Variants in CRHR2 observed in about 807,000 individuals in gnomAD.
The protein encoded by CRHR2 is corticotropin releasing hormone receptor 2.
In CRHR2, 53 loss-of-function variants were observed where a neutral mutation model predicts 57.9. The observed-to-expected ratio is 0.92, with a 90% confidence interval of 0.73 to 1.15. The LOEUF (loss-of-function observed/expected upper bound fraction) is 1.15. CRHR2 is among the 50% of genes most tolerant of loss of function. The pLI, the probability that CRHR2 is intolerant of heterozygous loss-of-function variation, is 0.00. For missense variants in CRHR2, 532 were observed against 542.6 expected (o/e 0.98, Z 0.19); for synonymous variants, 213 against 220.9 (o/e 0.96, Z 0.32).
Position 30,655,497 on chromosome 7 carries a change from G to A in CRHR2, c.1053+83C>T. 8.7e-6 allele frequency: 13 copies of A among 1,501,454 alleles called. No homozygotes were observed. The South Asian group carries it at 9.0e-5, about 10-fold the overall frequency. The allele number at this position is 1,501,454 out of a possible 1,614,324, so 93.0% of individuals were successfully genotyped here. On this transcript the variant is annotated intron_variant, in intron 10 of 11. Coordinates refer to ENST00000471646, the MANE Select transcript of CRHR2 (RefSeq NM_001883.5). Reference sequence around the variant, plus strand: ...TGAGCCATGGGTGTGCCAGTCCCACGGGACCCCCTTAGTGAGGGCATGGCT... The same window carrying A: ...TGAGCCATGGGTGTGCCAGTCCCACAGGACCCCCTTAGTGAGGGCATGGCT...
chr7:30,676,348 G>A (rs547875476), intron 2 of CRHR2, among the ~76,000 whole-genome samples: 59 of 152,154 alleles, frequency 3.9e-4, no homozygotes, highest in Non-Finnish European at 7.1e-4. Flanking sequence ...GGAGTAACTT[G>A]TGGCCCTTGG....
chr7:30,685,490 CG>C (rs1171081154), upstream of CRHR2, among the ~76,000 whole-genome samples: 1 of 152,154 alleles, frequency 6.6e-6, no homozygotes, highest in African/African-American at 2.4e-5. Flanking sequence ...GGAATTACGA[CG>C]GGGTTGCTGA....
At chr7:30,659,115 GTAGA>G (rs1339322591) in intron 8 of CRHR2, among the ~76,000 whole-genome samples, 2 of 152,230 alleles carry the variant, frequency 1.3e-5, no homozygotes, top group Non-Finnish European at 2.9e-5. Context: ...TGGAAATAAT[GTAGA>G]TAGAGCTTCT....
chr7:30,699,428 G>A (rs1785123151), intron 1 of CRHR2, among the ~76,000 whole-genome samples: 1 of 152,032 alleles, frequency 6.6e-6, no homozygotes, highest in South Asian at 2.1e-4. Flanking sequence ...GAAGGATGGA[G>A]ACAAGGCAGC....
At chr7:30,679,060 C>T (rs535253747) in intron 2 of CRHR2, among the ~76,000 whole-genome samples, 5 of 152,178 alleles carry the variant, frequency 3.3e-5, no homozygotes, top group Admixed American at 3.3e-4. Context: ...GTTCTCCATA[C>T]AACACACTCC....
Position 30,656,090 on chromosome 7 carries a change from C to G in CRHR2, c.832-78G>C, listed in dbSNP as rs1346811985. On this transcript the variant is annotated intron_variant, in intron 8 of 11. Transcript: ENST00000471646. This position sits in a 1 kb window ranked among gnomAD's most constrained non-coding sequence, Gnocchi z 4.4. Reference sequence around the variant, plus strand: ...AGATGAGCCGAGAGGCAGCCCCCTTCCCCGCAGACCCCTGGAAACCGATGT... The same window carrying G: ...AGATGAGCCGAGAGGCAGCCCCCTTGCCCGCAGACCCCTGGAAACCGATGT... The G allele has an allele frequency of 7.4e-7, 1 of 1,345,720 alleles. No homozygotes were observed. Among genetic ancestry groups the G allele is most frequent in the African/African-American group, 1.4e-5 (1 of 69,734 alleles). 83.4% of individuals were successfully genotyped at this position (1,345,720 alleles called of 1,614,324 possible). A position where few individuals can be genotyped will look rare whatever the true frequency, so the allele number is the denominator to read the frequency against.
chr7:30,689,361 T>G (rs1784915904), intron 1 of CRHR2: 1 of 1,177,240 alleles, frequency 8.5e-7, no homozygotes, highest in East Asian at 2.6e-5. Context: ...CCCCATCCTA[T>G]CCTATCACTC....
At chr7:30,686,691 G>A (rs1291877212), upstream of CRHR2, 1 of 544,706 alleles carries the variant, frequency 1.8e-6, no homozygotes, top group Non-Finnish European at 3.3e-6. Flanking sequence ...TAAATAATAT[G>A]CCTCATAATA....
chr7:30,655,722 G>T lies in CRHR2; in HGVS notation c.918-7C>A, dbSNP rs948937833. On this transcript the variant is annotated splice_polypyrimidine_tract_variant and splice_region_variant and intron_variant, in intron 9 of 11. Coordinates refer to ENST00000471646, the MANE Select transcript of CRHR2 (RefSeq NM_001883.5). The stretch of plus-strand genomic sequence containing the variant: ...GGTGGCCTTCACTGCCTTCCTGGGG[G>T]CGAGAGGTGGACACAGGTCTGAGCC... 1.8e-5 allele frequency: 29 copies of T among 1,612,310 alleles called. No homozygotes were observed. Among genetic ancestry groups the T allele is most frequent in the African/African-American group, 2.7e-5 (2 of 74,946 alleles).
chr7:30,688,823 A>G (rs1169352141), intron 2 of CRHR2: 1 of 462,948 alleles, frequency 2.2e-6, no homozygotes, highest in Non-Finnish European at 4.3e-6. Context: ...CCAGGAAGTC[A>G]CACCTGTAGC....
chr7:30,696,491 G>T (rs1354704096), intron 1 of CRHR2, among the ~76,000 whole-genome samples: 1 of 152,202 alleles, frequency 6.6e-6, no homozygotes, highest in Non-Finnish European at 1.5e-5. Flanking sequence ...GGAGGCCGAG[G>T]TGGGTGGATC....
intron 2 of CRHR2, among the ~76,000 whole-genome samples, chr7:30,678,862 C>T (rs1784605902): frequency 6.6e-6 from 1 of 152,218 alleles, no homozygotes; most frequent in Admixed American, 6.5e-5. Flanking sequence ...TGCGGTCTAC[C>T]TGGGTCTGTG....
chr7:30,671,513 G>A (rs1784351456), intron 2 of CRHR2, among the ~76,000 whole-genome samples: 1 of 151,844 alleles, frequency 6.6e-6, no homozygotes, highest in South Asian at 2.1e-4. Context: ...AGGAAGTGAG[G>A]GAGAGGCTGG....
exon 1 of CRHR2, chr7:30,700,031 C>T (rs1442813712): frequency 7.1e-7 from 1 of 1,412,452 alleles, no homozygotes; most frequent in Non-Finnish European, 9.2e-7. Context: ...AGGGACCCCT[C>T]ATGCCAGTAG....
intron 5 of CRHR2, among the ~76,000 whole-genome samples, chr7:30,664,764 T>G (rs1342401850): frequency 6.6e-6 from 1 of 152,012 alleles, no homozygotes; most frequent in Non-Finnish European, 1.5e-5. Context: ...TGTCACCAGC[T>G]GAGAGTAGCA....
Position 30,653,156 on chromosome 7 carries a change from C to T in CRHR2, c.*304G>A. Reference sequence around the variant, plus strand: ...TGTGTTGGACAGGTCCTTCTCTGCTCTGGGCCCAGTAAGGCCCTGGCCAGA... The same window carrying T: ...TGTGTTGGACAGGTCCTTCTCTGCTTTGGGCCCAGTAAGGCCCTGGCCAGA... On this transcript the variant is annotated 3_prime_UTR_variant, in exon 12 of 12. Coordinates refer to ENST00000471646, the MANE Select transcript of CRHR2 (RefSeq NM_001883.5). This position sits in a 1 kb window ranked among gnomAD's most constrained non-coding sequence, Gnocchi z 5.0. The T allele has an allele frequency of 2.8e-6, 1 of 356,934 alleles. No individual in the cohort carries two copies. The highest frequency in any genetic ancestry group is 4.4e-5 in the Admixed American group (1 of 22,840). The allele number at this position is 356,934 out of a possible 1,614,324, so 22.1% of individuals were successfully genotyped here. A position where few individuals can be genotyped will look rare whatever the true frequency, so the allele number is the denominator to read the frequency against.
intron 1 of CRHR2, among the ~76,000 whole-genome samples, chr7:30,691,711 A>G (rs974848281): frequency 2.6e-5 from 4 of 152,180 alleles, no homozygotes; most frequent in Non-Finnish European, 5.9e-5. Context: ...CATCTCCTAT[A>G]ACTTCTCTGC....
chr7:30,682,243 T>G lies in CRHR2; in HGVS notation c.38A>C (p.Asn13Thr). ...AALLHSLLEA[N>T]CSLALAEELL... is the part of the protein sequence containing the mutation. ...CTCTTCAGCCAGCGCCAGGCTGCAGTTGGCCTCCAGCAGGCTGTGGAGCAG... is the reference window on the plus strand; with the variant it reads ...CTCTTCAGCCAGCGCCAGGCTGCAGGTGGCCTCCAGCAGGCTGTGGAGCAG... Residue 13 changes from asparagine to threonine, a missense_variant, in exon 1 of 12, where the codon AAC becomes ACC. Physicochemically the swap from Asn to Thr is moderately conservative, Grantham distance 65. Transcript: ENST00000471646. 6.3e-7 allele frequency: 1 copy of G among 1,589,386 alleles called. No homozygotes were observed. The highest frequency in any genetic ancestry group is 8.5e-7 in the Non-Finnish European group (1 of 1,175,022).
chr7:30,668,267 C>T (rs1784247763), intron 2 of CRHR2, among the ~76,000 whole-genome samples: 1 of 152,154 alleles, frequency 6.6e-6, no homozygotes, highest in Non-Finnish European at 1.5e-5. Context: ...GCCACCCCCT[C>T]CATACACCAG....
Sources: allele counts gnomAD v4.1 joint callset (sites outside exome capture counted in the v4.1 genomes callset), GRCh38; gene constraint gnomAD v4.1.1; non-coding constraint Gnocchi (gnomAD v3.1); transcripts MANE v1.5; gene names NCBI Gene and HGNC (gene_info 2026-07-23, HGNC 2026-07-21).